The following A2ML1 variants were observed in gnomAD, a reference collection of about 807,000 sequenced individuals.
A2ML1 encodes the protein alpha-2-macroglobulin like 1.
A neutral mutation model predicts 181.9 loss-of-function variants in A2ML1; 161 were observed. The observed-to-expected ratio is 0.89, with a 90% confidence interval of 0.78 to 1.01. A2ML1 has a LOEUF of 1.01. Among genes scored for constraint, A2ML1 ranks in the 50% least tolerant of loss-of-function variants. The pLI is 0.00. For missense variants in A2ML1, 1,670 were observed against 1,768.1 expected, an observed-to-expected ratio of 0.94 and a Z score of 1.00; for synonymous variants, 663 against 666.8, an observed-to-expected ratio of 0.99 and a Z score of 0.09.
At chr12:8,836,012 CAAAAAA>C (rs753902128) in intron 6 of A2ML1, among the ~76,000 whole-genome samples, 18 of 52,228 alleles carry the variant, frequency 3.4e-4, no homozygotes, top group African/African-American at 1.0e-3. Context: ...GACTCCGTCT[CAAAAAA>C]AAAAAAAAAA....
At chr12:8,824,222 G>GTTTTTTTTTTTTTTTTT (rs34400836) in intron 3 of A2ML1, among the ~76,000 whole-genome samples, 2 of 92,310 alleles carry the variant, frequency 2.2e-5, no homozygotes, top group Non-Finnish European at 4.1e-5. Context: ...AGCTACTGGG[G>GTTTTTTTTTTTTTTTTT]TTTTTTTTTT....
intron 7 of A2ML1, among the ~76,000 whole-genome samples, chr12:8,884,692 G>A (rs758495582): frequency 7.9e-5 from 12 of 152,110 alleles, no homozygotes; most frequent in Non-Finnish European, 8.8e-5. Context: ...ATGTGCCACC[G>A]TGCCCATGCA....
intron 10 of A2ML1, among the ~76,000 whole-genome samples, 188 bp from the exon 11 acceptor site, chr12:8,841,181 T>C (rs1472746935): frequency 6.6e-6 from 1 of 152,228 alleles, no homozygotes; most frequent in Non-Finnish European, 1.5e-5. Flanking sequence ...TCACAGATCC[T>C]AGTTCAAAAG....
chr12:8,848,345 G>A (rs1943771432), intron 15 of A2ML1, among the ~76,000 whole-genome samples: 1 of 151,712 alleles, frequency 6.6e-6, no homozygotes, highest in South Asian at 2.1e-4. Context: ...GCCAGGCATG[G>A]TGGCGCATGC....
chr12:8,875,087 C>G, intron 35 of A2ML1, 75 bp downstream of exon 35: 1 of 1,485,378 alleles, frequency 6.7e-7, no homozygotes, highest in African/African-American at 1.4e-5. Context: ...TTTCGAGTTA[C>G]TGTCATTGTC....
At chr12:8,833,703 G>GTGTT (rs1348401582) in intron 4 of A2ML1, among the ~76,000 whole-genome samples, 3 of 152,090 alleles carry the variant, frequency 2.0e-5, no homozygotes, top group Admixed American at 1.3e-4. Context: ...GCCTAAAGAA[G>GTGTT]TGTTTGTTTG....
chr12:8,853,859 C>T (rs1329664100), intron 20 of A2ML1, among the ~76,000 whole-genome samples: 2 of 152,142 alleles, frequency 1.3e-5, no homozygotes, highest in Non-Finnish European at 2.9e-5. Flanking sequence ...TCACTCAATC[C>T]AGCTCACACT....
chr12:8,829,944 C>G (rs1943057317), intron 4 of A2ML1, 165 bp downstream of exon 4: 2 of 748,678 alleles, frequency 2.7e-6, no homozygotes, highest in Non-Finnish European at 4.3e-6. Context: ...CTTCAGGGAG[C>G]TAGCCTAAAT....
intron 5 of A2ML1, chr12:8,834,918 C>T: frequency 3.6e-6 from 2 of 552,036 alleles, no homozygotes; most frequent in South Asian, 2.3e-5. Context: ...AATGACTACA[C>T]CGCTCTCTCA....
intron 14 of A2ML1, 93 bp downstream of exon 14, chr12:8,846,315 A>G: frequency 6.9e-7 from 1 of 1,458,400 alleles, no homozygotes; most frequent in Non-Finnish European, 9.5e-7. Context: ...AGTCAGGGAA[A>G]GAAGATAGTG....
chr12:8,884,802 C>T (rs1944906042), intron 7 of A2ML1, among the ~76,000 whole-genome samples: 1 of 152,216 alleles, frequency 6.6e-6, no homozygotes, highest in African/African-American at 2.4e-5. Context: ...CATTAGTTTG[C>T]TGAGTATAAT....
In A2ML1 at chr12:8,856,898, CTTT is replaced by C. The variant is rs71891886; in HGVS notation, c.2849-249_2849-247del. On this transcript the variant is annotated intron_variant, in intron 23 of 35. Transcript: ENST00000299698. ...GTCTTCCCAGGACACACAGTAGGTA[CTTT>C]TTTTTTTTTTTTTTTTGTATTTTTA... 0.26 allele frequency among the ~76,000 whole-genome samples: 32,387 copies of C among 124,828 alleles called. 3,254 individuals carry two copies. The highest frequency in any genetic ancestry group is 0.36 in the Middle Eastern group (80 of 222). The allele number at this position is 124,828 out of a possible 152,430, so 81.9% of individuals were successfully genotyped here.
Position 8,838,351 on chromosome 12 carries a change from T to A in A2ML1, c.871T>A (p.Cys291Ser). The change falls in exon 9 of 36, where the codon TGT (cysteine) becomes AGT (serine). Residue 291 changes from cysteine to serine, a missense_variant. Physicochemically the swap from Cys to Ser is moderately radical, Grantham distance 112. Transcript: ENST00000299698. ...ACCTCACTAGACTGACAAAACAGGATGTTTCTCAGCACCTGTGGACATGGC... is the reference window on the plus strand; with the variant it reads ...ACCTCACTAGACTGACAAAACAGGAAGTTTCTCAGCACCTGTGGACATGGC... ...NLSGQTDKTGCFSAPVDMATF... is the reference protein window; with the variant it reads ...NLSGQTDKTGSFSAPVDMATF... The A allele has an allele frequency of 6.2e-7, 1 of 1,613,364 alleles. No individual in the cohort carries two copies. The highest frequency in any genetic ancestry group is 8.5e-7 in the Non-Finnish European group (1 of 1,179,516).
chr12:8,824,354 A>C (rs915585799), intron 3 of A2ML1, among the ~76,000 whole-genome samples: 2 of 150,698 alleles, frequency 1.3e-5, no homozygotes, highest in Non-Finnish European at 2.9e-5. Flanking sequence ...TTTATTTAAA[A>C]TTTTTGTGGG....
intron 29 of A2ML1, among the ~76,000 whole-genome samples, chr12:8,866,496 G>A (rs1444058028): frequency 6.6e-6 from 1 of 151,946 alleles, no homozygotes; most frequent in Non-Finnish European, 1.5e-5. Flanking sequence ...AAAGCAGTGG[G>A]TGAAATGTTT....
chr12:8,851,652 C>A, intron 18 of A2ML1, 132 bp from the exon 19 acceptor site: 1 of 794,378 alleles, frequency 1.3e-6, no homozygotes, highest in South Asian at 1.7e-5. Context: ...GCTATCTGCT[C>A]ACCTCAGCCT....
In A2ML1 at chr12:8,841,451, A is replaced by T. The variant is rs757455501; in HGVS notation, c.1163A>T (p.Asn388Ile). Residue 388 changes from asparagine (N) to isoleucine (I), a missense_variant, in exon 11 of 36, where the codon AAC becomes ATC. Physicochemically the swap from Asn to Ile is moderately radical, Grantham distance 149. Transcript: ENST00000299698. Reference protein sequence around the residue: ...LVIYGTNGTFNQTLVTDNNGL... With the variant: ...LVIYGTNGTFIQTLVTDNNGL... ...ATTTATGGCACAAATGGAACCTTCA[A>T]CCAGACCCTGGTTACTGATAACAAT... 6.2e-7 allele frequency: 1 copy of T among 1,614,126 alleles called. No individual in the cohort carries two copies. The highest frequency in any genetic ancestry group is 8.5e-7 in the Non-Finnish European group (1 of 1,180,020).
intron 2 of A2ML1, 114 bp from the exon 3 acceptor site, chr12:8,823,606 C>A: frequency 8.1e-7 from 1 of 1,241,956 alleles, no homozygotes; most frequent in Non-Finnish European, 1.1e-6. Context: ...TGTCTCTATC[C>A]TTGCTACCCC....
chr12:8,854,194 G>A lies in A2ML1; in HGVS notation c.2657G>A (p.Gly886Glu). 3 of 1,609,442 alleles carry A rather than the reference G, an allele frequency of 1.9e-6. No homozygotes were observed. Among genetic ancestry groups the A allele is most frequent in the Non-Finnish European group, 2.5e-6 (3 of 1,177,662 alleles). The part of the protein sequence containing the change: ...DSNEPCGGQK[G>E]FVPQKGRSDT... ...AATGAACCATGTGGGGGCCAGAAGG[G>A]GTTTGTTCCCCAAAAGGGCCGAAGT... The change falls in exon 21 of 36, where the codon GGG (glycine) becomes GAG (glutamate). Residue 886 changes from glycine (G) to glutamate (E), a missense_variant. Physicochemically the swap from Gly to Glu is moderately conservative, Grantham distance 98 (BLOSUM62 -2). Coordinates refer to ENST00000299698, the MANE Select transcript of A2ML1 (RefSeq NM_144670.6).
Sources: allele counts gnomAD v4.1 joint callset (sites outside exome capture counted in the v4.1 genomes callset), GRCh38; gene constraint gnomAD v4.1.1; transcripts MANE v1.5; gene names NCBI Gene and HGNC (gene_info 2026-07-23, HGNC 2026-07-21).